The following UNC79 variants were observed in gnomAD, a reference collection of about 807,000 sequenced individuals.
UNC79 encodes protein unc-79 homolog.
A neutral mutation model predicts 283.1 loss-of-function variants in UNC79; 37 were observed. That is an observed-to-expected ratio of 0.13 (90% CI 0.10 to 0.17). The LOEUF is 0.17. Among genes scored for constraint, UNC79 ranks in the 10% least tolerant of loss-of-function variants. UNC79 has a pLI of 1.00. For synonymous variants in UNC79, 1,107 were observed against 1,200.2 expected (o/e 0.92, Z 1.61); for missense variants, 2,272 against 3,211.1 (o/e 0.71, Z 7.07).
intron 19 of UNC79, among the ~76,000 whole-genome samples, chr14:93,581,480 G>T (rs936013359): frequency 1.5e-5 from 2 of 136,300 alleles, no homozygotes; most frequent in African/African-American, 5.6e-5. Flanking sequence ...GCCAGTATTT[G>T]CATCTTTTTT....
chr14:93,525,618 C>T (rs528778541), intron 8 of UNC79, among the ~76,000 whole-genome samples: 1 of 152,228 alleles, frequency 6.6e-6, no homozygotes, highest in East Asian at 1.9e-4. Context: ...ATAGTTTATT[C>T]ATATAGTTCA....
chr14:93,462,241 G>T (rs1223338037), intron 1 of UNC79, among the ~76,000 whole-genome samples: 1 of 152,232 alleles, frequency 6.6e-6, no homozygotes, highest in Non-Finnish European at 1.5e-5. Flanking sequence ...GGGAGGTGGA[G>T]GTTGCAGTGA....
At chr14:93,362,447 C>T (rs2054247057) in intron 1 of UNC79, among the ~76,000 whole-genome samples, 1 of 152,102 alleles carries the variant, frequency 6.6e-6, no homozygotes. Context: ...CTCCCGGGTT[C>T]CAGCGATTTT....
chr14:93,549,406 C>T (rs80168639), intron 14 of UNC79, among the ~76,000 whole-genome samples: 4,242 of 152,198 alleles, frequency 0.028, 214 homozygotes, highest in African/African-American at 0.097. Context: ...GCATGGTACT[C>T]AATGCTGATA....
At chr14:93,620,493 T>G (rs988642229) in intron 29 of UNC79, among the ~76,000 whole-genome samples, 3 of 152,164 alleles carry the variant, frequency 2.0e-5, no homozygotes, top group Non-Finnish European at 4.4e-5. Context: ...TTGTTTAATT[T>G]CCTTTCGCCA....
chr14:93,538,971 C>T (rs773640153), intron 12 of UNC79, among the ~76,000 whole-genome samples: 46 of 151,642 alleles, frequency 3.0e-4, no homozygotes, highest in Non-Finnish European at 5.4e-4. Context: ...GGTACAATCT[C>T]GGCTCACTGC....
chr14:93,504,543 G>A (rs1409916310), intron 7 of UNC79, among the ~76,000 whole-genome samples: 1 of 151,698 alleles, frequency 6.6e-6, no homozygotes, highest in Non-Finnish European at 1.5e-5. Flanking sequence ...TCTACTAGAT[G>A]TAGATGTGTA....
chr14:93,340,153 G>A (rs1479865380), intron 1 of UNC79, among the ~76,000 whole-genome samples: 1 of 152,132 alleles, frequency 6.6e-6, no homozygotes, highest in African/African-American at 2.4e-5. Context: ...TTAAGAGTTG[G>A]ACACCTATGC....
At chr14:93,522,150 TG>T (rs1404061429) in intron 7 of UNC79, among the ~76,000 whole-genome samples, 1 of 152,124 alleles carries the variant, frequency 6.6e-6, no homozygotes. Context: ...CATTTATTTC[TG>T]GCAGAATAGA....
intron 40 of UNC79, among the ~76,000 whole-genome samples, chr14:93,671,984 A>T (rs2072912203): frequency 6.6e-6 from 1 of 152,208 alleles, no homozygotes; most frequent in South Asian, 2.1e-4. Flanking sequence ...CCACAATGAG[A>T]TATCATCTTA....
intron 1 of UNC79, among the ~76,000 whole-genome samples, chr14:93,406,725 A>C (rs1027120237): frequency 3.3e-5 from 5 of 152,246 alleles, no homozygotes; most frequent in Non-Finnish European, 5.9e-5. Context: ...ACACACAAAG[A>C]GCTTGGAAGT....
At chr14:93,348,789 G>A (rs539621477) in intron 1 of UNC79, among the ~76,000 whole-genome samples, 4 of 152,158 alleles carry the variant, frequency 2.6e-5, no homozygotes, top group African/African-American at 9.7e-5. Flanking sequence ...CTGAGTCTTG[G>A]TTTCCTTATC....
intron 13 of UNC79, 133 bp from the exon 14 acceptor site, chr14:93,542,333 T>G: frequency 1.1e-6 from 1 of 893,542 alleles, no homozygotes; most frequent in Non-Finnish European, 1.7e-6. Context: ...CGATCCCCAT[T>G]TTTAAAACTG....
At chr14:93,614,854 C>T (rs1050760356) in intron 27 of UNC79, among the ~76,000 whole-genome samples, 1 of 152,142 alleles carries the variant, frequency 6.6e-6, no homozygotes, top group Non-Finnish European at 1.5e-5. Context: ...GCCTCACTAC[C>T]CCAAACAGTT....
intron 15 of UNC79, 47 bp from the exon 16 acceptor site, chr14:93,572,646 C>G (rs774935553): frequency 1.2e-6 from 2 of 1,609,136 alleles, no homozygotes; most frequent in Admixed American, 3.4e-5. Context: ...TTAGTAGAAC[C>G]CAATCTATGC....
At chr14:93,604,015 A>G (rs1413226787) in intron 26 of UNC79, among the ~76,000 whole-genome samples, 1 of 152,212 alleles carries the variant, frequency 6.6e-6, no homozygotes, top group Non-Finnish European at 1.5e-5. Flanking sequence ...TACTTGCTCT[A>G]TAAAAGGTCT....
chr14:93,469,818 G>A (rs1412047410), intron 2 of UNC79, among the ~76,000 whole-genome samples: 1 of 152,072 alleles, frequency 6.6e-6, no homozygotes, highest in African/African-American at 2.4e-5. Context: ...GGAGTTTGAA[G>A]CTGCAGTGAG....
chr14:93,674,539 G>A (rs1432428736), intron 41 of UNC79, among the ~76,000 whole-genome samples: 1 of 152,162 alleles, frequency 6.6e-6, no homozygotes, highest in Non-Finnish European at 1.5e-5. Context: ...TGGCCTTTGG[G>A]TAAAGTGCCC....
intron 1 of UNC79, among the ~76,000 whole-genome samples, chr14:93,446,609 G>T (rs958263277): frequency 3.3e-5 from 5 of 152,144 alleles, no homozygotes; most frequent in African/African-American, 1.2e-4. Flanking sequence ...GGCCAGTCTG[G>T]TCTCAGATTC....
Sources: gnomAD v4.1 joint callset for allele counts (sites outside exome capture counted in the v4.1 genomes callset) on GRCh38, gnomAD v4.1.1 for gene constraint, MANE v1.5 for transcripts, NCBI Gene and HGNC (gene_info 2026-07-23, HGNC 2026-07-21) for gene names.